The following OTOGL variants were observed in gnomAD, a reference collection of about 807,000 sequenced individuals.
OTOGL encodes otogelin-like protein.
Under a neutral mutation model 318.5 loss-of-function variants are expected in OTOGL, and 285 were observed. The ratio of observed to expected loss-of-function variants is 0.89; its 90% confidence interval spans 0.81 to 0.99. The LOEUF (loss-of-function observed/expected upper bound fraction) is 0.99. OTOGL is among the 50% of genes least tolerant of loss of function. The pLI is 0.00. For missense variants in OTOGL, 2,899 were observed against 2,845.6 expected, an observed-to-expected ratio of 1.02 and a Z score of -0.43; for synonymous variants, 987 against 936.5, an observed-to-expected ratio of 1.05 and a Z score of -0.99.
At chr12:80,103,351 C>A (rs146213431) in intron 1 of OTOGL, 1 of 1,249,200 alleles carries the variant, frequency 8.0e-7, no homozygotes, top group East Asian at 2.3e-5. Context: ...GCTCCCGCTT[C>A]GGTGATCGAT....
At chr12:80,327,410 A>C (rs1887744796) in intron 35 of OTOGL, among the ~76,000 whole-genome samples, 1 of 152,124 alleles carries the variant, frequency 6.6e-6, no homozygotes, top group Non-Finnish European at 1.5e-5. Flanking sequence ...CTTCCAGGGC[A>C]CTGCCCCAGA....
chr12:80,326,146 T>G (rs116425453), intron 35 of OTOGL, among the ~76,000 whole-genome samples: 1,710 of 152,260 alleles, frequency 0.011, 31 homozygotes, highest in African/African-American at 0.039. Flanking sequence ...GAGCTGGGGT[T>G]TCAGTATGCC....
In OTOGL at chr12:80,374,000, G is replaced by A. The variant is rs141180102; in HGVS notation, c.6781+1936G>A. On this transcript the variant is annotated intron_variant, in intron 57 of 58. Coordinates refer to ENST00000547103, the MANE Select transcript of OTOGL (RefSeq NM_001378609.3). ...CAAACTCAATGCACACATACACACC[G>A]ACAACAAGCAAAAAAGTCCAACAGG... Among the ~76,000 whole-genome samples, 500 of 152,064 alleles carry A rather than the reference G, an allele frequency of 3.3e-3. 3 individuals carry two copies. The highest frequency in any genetic ancestry group is 0.011 in the African/African-American group (472 of 41,486).
intron 1 of OTOGL, among the ~76,000 whole-genome samples, chr12:80,173,234 T>TA (rs1295135398): frequency 1.3e-5 from 2 of 152,092 alleles, no homozygotes; most frequent in African/African-American, 2.4e-5. Context: ...AAGGAATGGC[T>TA]ACTCCACAGA....
In OTOGL at chr12:80,134,014, T is replaced by C. The variant is rs534620786; in HGVS notation, c.-20+34409T>C. 4.2e-4 allele frequency among the ~76,000 whole-genome samples: 64 copies of C among 152,246 alleles called. 1 individual carries two copies. The highest frequency in any genetic ancestry group is 3.3e-3 in the Admixed American group (51 of 15,284). ...AAAATAAAAAAAAAAGTAGAGTCAC[T>C]GAATTTCAGCATTGTTTGTTAAATA... is the stretch of plus-strand genomic sequence containing the variant. On this transcript the variant is annotated intron_variant, in intron 1 of 58. Transcript: ENST00000547103.
intron 1 of OTOGL, among the ~76,000 whole-genome samples, chr12:80,172,720 C>G (rs1201187366): frequency 6.6e-6 from 1 of 152,086 alleles, no homozygotes; most frequent in Non-Finnish European, 1.5e-5. Flanking sequence ...AGAACGAGAT[C>G]ATATCCTTTG....
intron 23 of OTOGL, 52 bp downstream of exon 23, chr12:80,270,206 C>T: frequency 1.3e-5 from 18 of 1,432,394 alleles, no homozygotes; most frequent in Non-Finnish European, 1.7e-5. Context: ...CTGATACCAC[C>T]TCCACTCCTG....
At chr12:80,182,910 G>T (rs1258176589) in intron 1 of OTOGL, among the ~76,000 whole-genome samples, 1 of 152,166 alleles carries the variant, frequency 6.6e-6, no homozygotes, top group East Asian at 1.9e-4. Flanking sequence ...TAGAGAGAAA[G>T]TCTAGAATCA....
At chr12:80,109,889 C>G (rs753964024) in intron 1 of OTOGL, among the ~76,000 whole-genome samples, 8 of 151,946 alleles carry the variant, frequency 5.3e-5, no homozygotes, top group Non-Finnish European at 1.2e-4. Flanking sequence ...TCACAAACAT[C>G]ACAAAATCTA....
intron 52 of OTOGL, among the ~76,000 whole-genome samples, chr12:80,364,772 TC>T (rs1890428250): frequency 6.6e-6 from 1 of 152,126 alleles, no homozygotes; most frequent in African/African-American, 2.4e-5. Context: ...TTAATAATAT[TC>T]CATTGTATGG....
chr12:80,151,420 AC>A (rs1251115968), intron 1 of OTOGL, among the ~76,000 whole-genome samples: 1 of 152,142 alleles, frequency 6.6e-6, no homozygotes, highest in Non-Finnish European at 1.5e-5. Context: ...AGCACTTAAA[AC>A]ATTCTGAAAT....
intron 1 of OTOGL, among the ~76,000 whole-genome samples, chr12:80,106,623 A>T (rs934369612): frequency 6.6e-6 from 1 of 152,164 alleles, no homozygotes; most frequent in Non-Finnish European, 1.5e-5. Context: ...ACACACATAC[A>T]CAAGTGTGTG....
chr12:80,219,693 G>A (rs71463862), intron 5 of OTOGL, 121 bp from the exon 6 acceptor site: 5 of 698,482 alleles, frequency 7.2e-6, no homozygotes, highest in Non-Finnish European at 7.4e-6. Flanking sequence ...CAAGGCAAGA[G>A]GCTGAGAGTT....
chr12:80,265,411 G>A (rs1199783120), intron 20 of OTOGL: 1 of 612,142 alleles, frequency 1.6e-6, no homozygotes, highest in Non-Finnish European at 2.8e-6. Flanking sequence ...AATAACTTTT[G>A]ACTAGTTTTG....
At chr12:80,372,937 T>C (rs963863992) in intron 57 of OTOGL, among the ~76,000 whole-genome samples, 2 of 152,136 alleles carry the variant, frequency 1.3e-5, no homozygotes, top group African/African-American at 4.8e-5. Context: ...TCTGCCCACT[T>C]CGGCCTCCCA....
At chr12:80,122,004 A>G (rs1009644077) in intron 1 of OTOGL, among the ~76,000 whole-genome samples, 4 of 152,310 alleles carry the variant, frequency 2.6e-5, no homozygotes, top group South Asian at 2.1e-4. Flanking sequence ...GTGCAAAATC[A>G]TCATATGGCC....
chr12:80,157,431 G>A (rs1193116045), intron 1 of OTOGL, among the ~76,000 whole-genome samples: 1 of 151,978 alleles, frequency 6.6e-6, no homozygotes, highest in Non-Finnish European at 1.5e-5. Context: ...TTTAACTCGA[G>A]ATGATCCCAT....
At chr12:80,318,351 C>T (rs933259593) in intron 32 of OTOGL, among the ~76,000 whole-genome samples, 195 bp from the exon 33 acceptor site, 1 of 152,072 alleles carries the variant, frequency 6.6e-6, no homozygotes, top group Non-Finnish European at 1.5e-5. Context: ...GCATAACCTA[C>T]AACACGAACA....
At chr12:80,252,497 C>G (rs1881659665) in intron 13 of OTOGL, among the ~76,000 whole-genome samples, 1 of 152,004 alleles carries the variant, frequency 6.6e-6, no homozygotes, top group Non-Finnish European at 1.5e-5. Flanking sequence ...TATATCTTCA[C>G]TTTTTAAAAA....
Sources: gnomAD v4.1 joint callset for allele counts (sites outside exome capture counted in the v4.1 genomes callset) on GRCh38, gnomAD v4.1.1 for gene constraint, MANE v1.5 for transcripts, NCBI Gene and HGNC (gene_info 2026-07-23, HGNC 2026-07-21) for gene names.